The following SGCD variants were observed in gnomAD, a reference collection of about 807,000 sequenced individuals.
The protein encoded by SGCD is delta-sarcoglycan.
SGCD carries 18 observed loss-of-function variants against 36.6 expected under a neutral mutation model. The ratio of observed to expected loss-of-function variants is 0.49; its 90% CI spans 0.34 to 0.73. The LOEUF (loss-of-function observed/expected upper bound fraction) is 0.73. Among genes scored for constraint, SGCD ranks in the 30% least tolerant of loss-of-function variants. The pLI is 0.01. For missense variants in SGCD, 387 were observed against 346.7 expected (o/e 1.12, Z -0.92); for synonymous variants, 133 against 130.6 (o/e 1.02, Z -0.12).
At chr5:156,711,255 G>A (rs1355775574) in intron 7 of SGCD, among the ~76,000 whole-genome samples, 2 of 152,136 alleles carry the variant, frequency 1.3e-5, no homozygotes, top group Admixed American at 6.5e-5. Flanking sequence ...GTTTGCAGGT[G>A]CTTTACAGTG....
intron 3 of SGCD, among the ~76,000 whole-genome samples, chr5:156,240,998 T>G (rs946499387): frequency 1.3e-5 from 2 of 152,206 alleles, no homozygotes; most frequent in African/African-American, 4.8e-5. Context: ...TCAAACTTAT[T>G]AGAAAAATTG....
chr5:156,520,302 C>T (rs1321957464), intron 4 of SGCD, among the ~76,000 whole-genome samples: 1 of 152,104 alleles, frequency 6.6e-6, no homozygotes. Context: ...AGGAATACAG[C>T]TAACAAGAAA....
chr5:156,606,605 G>T (rs532081542), intron 6 of SGCD, among the ~76,000 whole-genome samples: 1 of 152,120 alleles, frequency 6.6e-6, no homozygotes, highest in South Asian at 2.1e-4. Flanking sequence ...TAGCATGATG[G>T]GAATGGCACT....
At chr5:156,070,035 G>T (rs1336133239) in intron 1 of SGCD, among the ~76,000 whole-genome samples, 1 of 151,846 alleles carries the variant, frequency 6.6e-6, no homozygotes, top group Non-Finnish European at 1.5e-5. Context: ...TTTGGGCTGA[G>T]ACAATGGGGT....
At chr5:155,909,302 C>G (rs1756584362) in intron 1 of SGCD, among the ~76,000 whole-genome samples, 1 of 152,064 alleles carries the variant, frequency 6.6e-6, no homozygotes, top group African/African-American at 2.4e-5. Flanking sequence ...AGTTGGTTTG[C>G]TTAATAAATA....
the SGCD span, among the ~76,000 whole-genome samples, chr5:155,760,219 CCAT>C: frequency 4.6e-5 from 7 of 151,232 alleles, no homozygotes; most frequent in African/African-American, 1.7e-4. Context: ...AACACCCTCT[CCAT>C]CACCCTGTCC....
chr5:156,445,379 G>T (rs1753717578), intron 3 of SGCD, among the ~76,000 whole-genome samples: 1 of 152,086 alleles, frequency 6.6e-6, no homozygotes, highest in South Asian at 2.1e-4. Context: ...GGTCAAAATG[G>T]TTACAAAATA....
intron 1 of SGCD, among the ~76,000 whole-genome samples, chr5:156,006,828 A>G (rs1758767858): frequency 6.6e-6 from 1 of 152,108 alleles, no homozygotes; most frequent in South Asian, 2.1e-4. Context: ...CTCAAAATAC[A>G]TGTGTTGAGG....
chr5:156,639,213 A>G (rs974985524), intron 6 of SGCD, among the ~76,000 whole-genome samples: 4 of 152,120 alleles, frequency 2.6e-5, no homozygotes, highest in Admixed American at 2.0e-4. Flanking sequence ...AATCCTCACA[A>G]TAGGTTTATG....
At chr5:156,533,913 C>T (rs1018383169) in intron 4 of SGCD, among the ~76,000 whole-genome samples, 19 of 152,140 alleles carry the variant, frequency 1.2e-4, no homozygotes, top group Admixed American at 2.6e-4. Flanking sequence ...TACTTAAAAG[C>T]CCACTGTCCC....
At chr5:156,137,301 A>C (rs898288119) in intron 3 of SGCD, among the ~76,000 whole-genome samples, 1 of 152,234 alleles carries the variant, frequency 6.6e-6, no homozygotes, top group Admixed American at 6.5e-5. Context: ...CCATGTGCCC[A>C]TGAAGCCACA....
At chr5:155,735,285 T>C in the SGCD span, among the ~76,000 whole-genome samples, 1 of 152,246 alleles carries the variant, frequency 6.6e-6, no homozygotes, top group Non-Finnish European at 1.5e-5. Context: ...AGTTTCTTTG[T>C]GATGTTGCTT....
At chr5:156,074,229 C>T (rs1257371433) in intron 1 of SGCD, among the ~76,000 whole-genome samples, 2 of 152,082 alleles carry the variant, frequency 1.3e-5, no homozygotes, top group Admixed American at 6.5e-5. Context: ...GTGCAGTATG[C>T]ACAGAAGGTT....
intron 3 of SGCD, among the ~76,000 whole-genome samples, chr5:156,242,100 C>T (rs544024088): frequency 6.6e-6 from 1 of 152,314 alleles, no homozygotes; most frequent in South Asian, 2.1e-4. Flanking sequence ...CCAAAACTAA[C>T]ACAATCCATA....
intron 1 of SGCD, among the ~76,000 whole-genome samples, chr5:155,960,948 A>G (rs1442524670): frequency 6.6e-6 from 1 of 152,090 alleles, no homozygotes; most frequent in Non-Finnish European, 1.5e-5. Context: ...TCCAGAACTC[A>G]AGCATTTTGA....
the SGCD span, among the ~76,000 whole-genome samples, chr5:155,815,037 G>A: frequency 4.6e-5 from 7 of 152,008 alleles, no homozygotes; most frequent in Admixed American, 6.6e-5. Flanking sequence ...AGATTAACAC[G>A]ATTATTTGCT....
intron 3 of SGCD, among the ~76,000 whole-genome samples, chr5:156,229,564 G>A (rs1275315322): frequency 2.0e-5 from 3 of 151,538 alleles, no homozygotes; most frequent in Non-Finnish European, 2.9e-5. Flanking sequence ...TCCTTTTTAC[G>A]TTACCTGGTG....
At chr5:156,712,321 G>C (rs979711562) in intron 7 of SGCD, among the ~76,000 whole-genome samples, 1 of 152,138 alleles carries the variant, frequency 6.6e-6, no homozygotes, top group Admixed American at 6.5e-5. Flanking sequence ...GATGGGGTAA[G>C]GTATGCCGCA....
rs180858559 is a variant in SGCD, at chr5:156,043,270, A to C, written c.-281-74608A>C. On this transcript the variant is annotated intron_variant, in intron 1 of 9. Coordinates refer to the SGCD transcript ENST00000517913. ...GGAACAGAGCCACCTTGTTGCTAAG[A>C]TCCTTTGCCTTAAAAAAATGAAATT... is the stretch of plus-strand genomic sequence containing the variant. Among the ~76,000 whole-genome samples the C allele has an allele frequency of 3.9e-5, 6 of 152,276 alleles. No individual in the cohort carries two copies. The East Asian group carries it at 7.7e-4, about 20-fold the overall frequency.
Sources: gnomAD v4.1 joint callset for allele counts (sites outside exome capture counted in the v4.1 genomes callset) on GRCh38, gnomAD v4.1.1 for gene constraint, MANE v1.5 for transcripts, NCBI Gene and HGNC (gene_info 2026-07-23, HGNC 2026-07-21) for gene names.